DLG2: variants seen among roughly 807,000 people sequenced by gnomAD.
DLG2 encodes disks large homolog 2.
Under a neutral mutation model 132.5 loss-of-function variants are expected in DLG2, and 45 were observed. That is an observed-to-expected ratio of 0.34 (90% CI 0.27 to 0.44). The LOEUF is 0.44. Among genes scored for constraint, DLG2 ranks in the 20% least tolerant of loss-of-function variants. The probability of loss-of-function intolerance (pLI) is 1.00; values close to 1 mark genes in which losing one functional copy is unlikely to be tolerated. For synonymous variants in DLG2, 424 were observed against 419.6 expected (o/e 1.01, Z -0.13); for missense variants, 1,045 against 1,196.9 (o/e 0.87, Z 1.87).
chr11:83,541,982 T>A lies in DLG2; in HGVS notation c.1941-124A>T, dbSNP rs2096081086. On this transcript the variant is annotated intron_variant, in intron 19 of 27. Transcript: ENST00000376104. ...CATCACTTGATATCAACTCCCGGAA[T>A]GATTCCCTGGATCACAGTCCACACT... 5.6e-6 allele frequency: 5 copies of A among 890,354 alleles called. No individual in the cohort carries two copies. The East Asian group carries it at 1.5e-4, about 26-fold the overall frequency. 55.2% of individuals were successfully genotyped at this position (890,354 alleles called of 1,614,324 possible).
chr11:84,373,890 A>C (rs558974206), intron 7 of DLG2, among the ~76,000 whole-genome samples: 1 of 152,276 alleles, frequency 6.6e-6, no homozygotes, highest in Admixed American at 6.5e-5. Context: ...TAATCTCACA[A>C]AATAGATCTA....
At chr11:84,693,812 A>G (rs1400792239) in intron 6 of DLG2, among the ~76,000 whole-genome samples, 3 of 151,652 alleles carry the variant, frequency 2.0e-5, no homozygotes, top group Non-Finnish European at 3.0e-5. Context: ...TTTAATATAC[A>G]GTCCCTTCCA....
At chr11:84,394,179 A>G (rs992182299) in intron 7 of DLG2, among the ~76,000 whole-genome samples, 7 of 152,134 alleles carry the variant, frequency 4.6e-5, no homozygotes, top group African/African-American at 1.7e-4. Flanking sequence ...ACCTGGTCTC[A>G]ATTTTTTAAC....
intron 6 of DLG2, among the ~76,000 whole-genome samples, chr11:84,661,523 G>C (rs2099694430): frequency 6.6e-6 from 1 of 152,162 alleles, no homozygotes; most frequent in Admixed American, 6.6e-5. Flanking sequence ...AAACTATAGA[G>C]TGACATGAGA....
intron 11 of DLG2, among the ~76,000 whole-genome samples, chr11:84,023,199 A>G (rs961967246): frequency 6.6e-6 from 1 of 152,186 alleles, no homozygotes; most frequent in African/African-American, 2.4e-5. Flanking sequence ...AGATCACCAA[A>G]CAAAAAACAG....
At chr11:85,536,490 C>CCT (rs1157330076) in intron 3 of DLG2, among the ~76,000 whole-genome samples, 1 of 152,230 alleles carries the variant, frequency 6.6e-6, no homozygotes, top group Non-Finnish European at 1.5e-5. Flanking sequence ...GCTCTTGGGG[C>CCT]CTCCTTGGCC....
intron 6 of DLG2, among the ~76,000 whole-genome samples, chr11:85,075,552 A>G (rs1268828252): frequency 6.6e-6 from 1 of 151,814 alleles, no homozygotes; most frequent in East Asian, 1.9e-4. Context: ...ATTTCAAAAA[A>G]CCCCAAATTA....
intron 3 of DLG2, among the ~76,000 whole-genome samples, chr11:85,290,567 T>C (rs1414995517): frequency 6.6e-6 from 1 of 152,008 alleles, no homozygotes; most frequent in East Asian, 1.9e-4. Flanking sequence ...GGGTGAAAGA[T>C]GCCCATAATA....
At chr11:84,365,580 T>A in intron 7 of DLG2, among the ~76,000 whole-genome samples, 1 of 152,070 alleles carries the variant, frequency 6.6e-6, no homozygotes, top group East Asian at 1.9e-4. Context: ...CTCTTGCTTT[T>A]CTAGTTCTTT....
intron 6 of DLG2, among the ~76,000 whole-genome samples, chr11:84,732,416 C>T (rs1249281854): frequency 6.6e-6 from 1 of 151,990 alleles, no homozygotes; most frequent in Non-Finnish European, 1.5e-5. Flanking sequence ...TTCACATCTT[C>T]ACCATCACCT....
intron 7 of DLG2, among the ~76,000 whole-genome samples, chr11:84,413,858 T>G (rs1361248209): frequency 6.6e-6 from 1 of 152,168 alleles, no homozygotes; most frequent in Non-Finnish European, 1.5e-5. Flanking sequence ...AATTATCAAT[T>G]CAGACATTCT....
intron 6 of DLG2, among the ~76,000 whole-genome samples, chr11:84,719,295 T>A (rs1015886765): frequency 2.0e-5 from 3 of 152,218 alleles, no homozygotes; most frequent in African/African-American, 7.2e-5. Context: ...TTATGTGATA[T>A]ACATTCACTT....
At chr11:83,723,835 G>A (rs1367419607) in intron 18 of DLG2, among the ~76,000 whole-genome samples, 1 of 152,044 alleles carries the variant, frequency 6.6e-6, no homozygotes, top group Non-Finnish European at 1.5e-5. Context: ...CAGCCTGGGT[G>A]AAAGAGTGAG....
intron 18 of DLG2, among the ~76,000 whole-genome samples, chr11:83,655,895 T>C (rs2072262173): frequency 6.6e-6 from 1 of 152,228 alleles, no homozygotes; most frequent in African/African-American, 2.4e-5. Flanking sequence ...TGTAAGCTGT[T>C]GGCATCACAG....
At chr11:83,982,363 C>T (rs1253320365) in intron 11 of DLG2, among the ~76,000 whole-genome samples, 2 of 151,482 alleles carry the variant, frequency 1.3e-5, no homozygotes, top group East Asian at 3.9e-4. Context: ...TCCTGAACAT[C>T]TTCCAGTTGG....
intron 7 of DLG2, among the ~76,000 whole-genome samples, chr11:84,455,770 A>C (rs899775260): frequency 1.3e-5 from 2 of 151,378 alleles, no homozygotes; most frequent in African/African-American, 4.8e-5. Context: ...AGCAAATCCA[A>C]ATTAGGACTC....
Position 83,960,737 on chromosome 11 carries a change from T to A in DLG2, c.1340+2148A>T, listed in dbSNP as rs183878602. Among the ~76,000 whole-genome samples, 24 of 152,030 alleles carry A rather than the reference T, an allele frequency of 1.6e-4. No homozygotes were observed. The East Asian group carries it at 4.6e-3, about 29-fold the overall frequency. ...AGGTGTCTTATAGGAAGTATTCAATTAATATTTATGAATGAGAAAGTGAAT... is the reference window on the plus strand; with the variant it reads ...AGGTGTCTTATAGGAAGTATTCAATAAATATTTATGAATGAGAAAGTGAAT... On this transcript the variant is annotated intron_variant, in intron 14 of 27. Transcript: ENST00000376104.
At chr11:84,396,787 C>A (rs756524846) in intron 7 of DLG2, among the ~76,000 whole-genome samples, 4 of 152,158 alleles carry the variant, frequency 2.6e-5, no homozygotes, top group African/African-American at 4.8e-5. Flanking sequence ...AGCTAACAAC[C>A]CTCACCCCCA....
intron 6 of DLG2, among the ~76,000 whole-genome samples, chr11:84,972,036 G>A (rs1175158802): frequency 6.6e-6 from 1 of 152,036 alleles, no homozygotes. Flanking sequence ...TTGCTCAGTG[G>A]TACTTACTTA....
Sources: allele counts gnomAD v4.1 joint callset (sites outside exome capture counted in the v4.1 genomes callset), GRCh38; gene constraint gnomAD v4.1.1; transcripts MANE v1.5; gene names NCBI Gene and HGNC (gene_info 2026-07-23, HGNC 2026-07-21).